Variants in KIAA0513 observed in about 807,000 individuals in gnomAD.
KIAA0513 encodes the protein KIAA0513, also known as uncharacterized protein KIAA0513.
In KIAA0513, 39 loss-of-function variants were observed where a neutral mutation model predicts 56.5. The ratio of observed to expected loss-of-function variants is 0.69; its 90% CI spans 0.53 to 0.90. The LOEUF (loss-of-function observed/expected upper bound fraction) is 0.90. KIAA0513 is among the 40% of genes least tolerant of loss of function. The pLI is 0.00. For synonymous variants in KIAA0513, 268 were observed against 215.6 expected, an observed-to-expected ratio of 1.24 and a Z score of -2.13; for missense variants, 591 against 535.2, an observed-to-expected ratio of 1.10 and a Z score of -1.03.
intron 1 of KIAA0513, among the ~76,000 whole-genome samples, chr16:85,037,372 G>A (rs1033907012): frequency 1.3e-5 from 2 of 152,126 alleles, no homozygotes; most frequent in Non-Finnish European, 2.9e-5. Context: ...GGGATATCGG[G>A]TGAACCTAGG....
chr16:85,028,803 G>T (rs567861316), intron 1 of KIAA0513, among the ~76,000 whole-genome samples: 50 of 152,338 alleles, frequency 3.3e-4, no homozygotes, highest in African/African-American at 1.1e-3. Flanking sequence ...CTCTGAGCTG[G>T]CACAGGTGAG....
At chr16:85,050,138 G>A (rs1213281454) in intron 1 of KIAA0513, among the ~76,000 whole-genome samples, 1 of 151,884 alleles carries the variant, frequency 6.6e-6, no homozygotes, top group Non-Finnish European at 1.5e-5. Context: ...ACCCTGCACT[G>A]TCTCGGTGCC....
intron 4 of KIAA0513, among the ~76,000 whole-genome samples, chr16:85,075,395 C>G (rs1171582017): frequency 2.0e-5 from 3 of 152,178 alleles, no homozygotes; most frequent in African/African-American, 7.2e-5. Flanking sequence ...GCTCCACCTC[C>G]TGACACCCCA....
chr16:85,047,172 C>T (rs547539977), intron 1 of KIAA0513, among the ~76,000 whole-genome samples: 2 of 152,234 alleles, frequency 1.3e-5, no homozygotes, highest in Admixed American at 6.5e-5. Flanking sequence ...AGCCTTTGTC[C>T]ACTCTTCAGA....
intron 1 of KIAA0513, among the ~76,000 whole-genome samples, chr16:85,053,265 T>C (rs1040231690): frequency 6.6e-6 from 1 of 152,196 alleles, no homozygotes; most frequent in African/African-American, 2.4e-5. Flanking sequence ...TTCTACATCA[T>C]GCCTGATACA....
intron 1 of KIAA0513, among the ~76,000 whole-genome samples, chr16:85,045,767 G>A (rs767821073): frequency 5.3e-5 from 8 of 152,220 alleles, no homozygotes; most frequent in Non-Finnish European, 1.0e-4. Context: ...TGCTCTGTGC[G>A]TTGGCCTCTG....
intron 1 of KIAA0513, among the ~76,000 whole-genome samples, chr16:85,065,948 C>G (rs2073475193): frequency 6.6e-6 from 1 of 152,238 alleles, no homozygotes; most frequent in Admixed American, 6.5e-5. Context: ...CGGTCTGTTC[C>G]TTCGTTCAGC....
At chr16:85,033,629 A>T (rs1388612873) in intron 1 of KIAA0513, among the ~76,000 whole-genome samples, 3 of 146,150 alleles carry the variant, frequency 2.1e-5, no homozygotes, top group African/African-American at 7.5e-5. Context: ...GCCCTCAGGG[A>T]GTTCATAGAG....
chr16:85,039,841 C>CT (rs371739572), intron 1 of KIAA0513, among the ~76,000 whole-genome samples: 16,484 of 143,384 alleles, frequency 0.11, 952 homozygotes, highest in Middle Eastern at 0.14. Flanking sequence ...GTTTTCTTTT[C>CT]TTTTTTTTTT....
At chr16:85,071,077 G>A (rs934946758) in intron 2 of KIAA0513, among the ~76,000 whole-genome samples, 1 of 152,230 alleles carries the variant, frequency 6.6e-6, no homozygotes, top group African/African-American at 2.4e-5. Flanking sequence ...CCATTTTTGA[G>A]TCTTTAAATT....
At chr16:85,048,112 A>G (rs868003626) in intron 1 of KIAA0513, among the ~76,000 whole-genome samples, 11 of 152,330 alleles carry the variant, frequency 7.2e-5, no homozygotes, top group Middle Eastern at 6.8e-3. Context: ...TCAGGAATAA[A>G]GTAAAGGGTG....
rs771408328 is a variant in KIAA0513 at position 85,075,949 on chromosome 16, G to A, written c.574+35G>A. 3 of 1,485,038 alleles carry A rather than the reference G, an allele frequency of 2.0e-6. No homozygotes were observed. In the South Asian group the frequency reaches 3.4e-5, roughly 17 times the overall value. The allele number at this position is 1,485,038 out of a possible 1,614,324, so 92.0% of individuals were successfully genotyped here. A position where few individuals can be genotyped will look rare whatever the true frequency, so the allele number is the denominator to read the frequency against. ...GGGTGGGCTGATGTGGGGCTCACCTGAGGCTAGTCTGCTGATAATATGGTG... is the reference window on the plus strand; with the variant it reads ...GGGTGGGCTGATGTGGGGCTCACCTAAGGCTAGTCTGCTGATAATATGGTG... On this transcript the variant is annotated intron_variant, in intron 5 of 12. Transcript: ENST00000683363.
intron 2 of KIAA0513, among the ~76,000 whole-genome samples, chr16:85,070,627 G>T (rs1246512228): frequency 6.6e-6 from 1 of 152,228 alleles, no homozygotes; most frequent in South Asian, 2.1e-4. Context: ...GCAATGAGCT[G>T]AGATTGCGCC....
intron 1 of KIAA0513, among the ~76,000 whole-genome samples, chr16:85,043,798 C>T (rs1030637334): frequency 8.5e-5 from 13 of 152,184 alleles, no homozygotes; most frequent in African/African-American, 2.6e-4. Flanking sequence ...TCTGGGAGGC[C>T]GAAGCGGGCG....
chr16:85,082,706 C>T (rs2291964), intron 10 of KIAA0513, 113 bp downstream of exon 10: 131,953 of 1,148,094 alleles, frequency 0.11, 7,795 homozygotes, highest in South Asian at 0.15. Context: ...ACAGCCCAGA[C>T]GCAGGTGCAG....
chr16:85,043,346 C>T (rs1163530951), intron 1 of KIAA0513, among the ~76,000 whole-genome samples: 6 of 150,252 alleles, frequency 4.0e-5, no homozygotes, highest in African/African-American at 9.8e-5. Flanking sequence ...ACCGATGAGG[C>T]GTCCTTCTCA....
chr16:85,086,084 A>G (rs2073804309), intron 10 of KIAA0513, among the ~76,000 whole-genome samples: 1 of 152,348 alleles, frequency 6.6e-6, no homozygotes, highest in East Asian at 1.9e-4. Flanking sequence ...GACAGGGGAC[A>G]GTGTGGCCCT....
Position 85,077,421 on chromosome 16 carries a change from C to A in KIAA0513, c.575-4C>A. The stretch of plus-strand genomic sequence containing the variant: ...GCCTCGTCTTGTTCCCTCTCTCATC[C>A]AAGGAAAACCACAGCTGCTGCCCCC... On this transcript the variant is annotated splice_polypyrimidine_tract_variant and splice_region_variant and intron_variant, in intron 5 of 12. Coordinates refer to ENST00000683363, the MANE Select transcript of KIAA0513 (RefSeq NM_001388359.1). The A allele has an allele frequency of 6.2e-7, 1 of 1,613,630 alleles. No homozygotes were observed. Among genetic ancestry groups the A allele is most frequent in the South Asian group, 1.1e-5 (1 of 90,990 alleles).
At chr16:85,038,926 C>T (rs1395116704) in intron 1 of KIAA0513, among the ~76,000 whole-genome samples, 48 of 152,122 alleles carry the variant, frequency 3.2e-4, no homozygotes, top group Non-Finnish European at 7.4e-5. Flanking sequence ...ATGTGGCCAG[C>T]GGCTACCACA....
Sources: allele counts gnomAD v4.1 joint callset (sites outside exome capture counted in the v4.1 genomes callset), GRCh38; gene constraint gnomAD v4.1.1; transcripts MANE v1.5; gene names NCBI Gene and HGNC (gene_info 2026-07-23, HGNC 2026-07-21).